The following ZNF804A variants were observed in gnomAD, a reference collection of about 807,000 sequenced individuals.
The protein encoded by ZNF804A is zinc finger protein 804A.
In ZNF804A, 2 loss-of-function variants were observed where a neutral mutation model predicts 16.5. The ratio of observed to expected loss-of-function variants is 0.12; its 90% CI spans 0.05 to 0.38. ZNF804A has a LOEUF of 0.38. Among genes scored for constraint, ZNF804A ranks in the 10% least tolerant of loss-of-function variants. The probability of loss-of-function intolerance (pLI) is 0.99; values close to 1 mark genes in which losing one functional copy is unlikely to be tolerated. For synonymous variants in ZNF804A, 534 were observed against 489.6 expected, an observed-to-expected ratio of 1.09 and a Z score of -1.20; for missense variants, 1,473 against 1,390.7, an observed-to-expected ratio of 1.06 and a Z score of -0.94.
chr2:184,680,356 C>A (rs774123529), intron 1 of ZNF804A, among the ~76,000 whole-genome samples: 2 of 151,834 alleles, frequency 1.3e-5, no homozygotes, highest in Non-Finnish European at 1.5e-5. Flanking sequence ...GAACAGATGT[C>A]GGGAGGTCTT....
chr2:184,668,439 C>G (rs1332590253), intron 1 of ZNF804A, among the ~76,000 whole-genome samples: 1 of 150,934 alleles, frequency 6.6e-6, no homozygotes. Flanking sequence ...TTAAACAGAA[C>G]AGTATCATCA....
chr2:184,888,771 G>A (rs1684936906), intron 2 of ZNF804A, among the ~76,000 whole-genome samples: 1 of 151,992 alleles, frequency 6.6e-6, no homozygotes, highest in African/African-American at 2.4e-5. Context: ...AAGAAAAAAT[G>A]GTAGAAAAGT....
chr2:184,900,279 T>C (rs939716673), intron 2 of ZNF804A, among the ~76,000 whole-genome samples: 5 of 152,156 alleles, frequency 3.3e-5, no homozygotes, highest in Non-Finnish European at 5.9e-5. Context: ...TGTTTCACAT[T>C]ATGGGATATA....
chr2:184,936,112 A>T lies in ZNF804A; in HGVS notation c.716A>T (p.Asp239Val). The T allele has an allele frequency of 4.3e-6, 7 of 1,614,084 alleles. No individual in the cohort carries two copies. The highest frequency in any genetic ancestry group is 5.9e-6 in the Non-Finnish European group (7 of 1,179,964). Residue 239 changes from aspartate (D) to valine (V), a missense_variant, in exon 4 of 4, where the codon GAT (aspartate) becomes GTT (valine). By Grantham distance (152) the Asp-to-Val change is radical. Coordinates refer to ENST00000302277, the MANE Select transcript of ZNF804A (RefSeq NM_194250.2). ...GCAGCCTTCTCTGAATACAGTGATG[A>T]TGCCTCAGTGGGAAAAGGATTTAGC... The part of the protein sequence containing the change: ...SAAAFSEYSD[D>V]ASVGKGFSRK...
chr2:184,602,489 A>C (rs1691065426), intron 1 of ZNF804A, among the ~76,000 whole-genome samples: 1 of 151,978 alleles, frequency 6.6e-6, no homozygotes, highest in African/African-American at 2.4e-5. Context: ...ATCATTGTGT[A>C]AGCAATTGCT....
chr2:184,612,682 A>G (rs1292427717), intron 1 of ZNF804A, among the ~76,000 whole-genome samples: 1 of 152,078 alleles, frequency 6.6e-6, no homozygotes, highest in African/African-American at 2.4e-5. Context: ...TGATCTGCCC[A>G]CCTCGGCCTC....
chr2:184,632,438 T>A (rs1307428690), intron 1 of ZNF804A, among the ~76,000 whole-genome samples: 1 of 152,200 alleles, frequency 6.6e-6, no homozygotes, highest in Non-Finnish European at 1.5e-5. Context: ...GGAGTCTCAC[T>A]CTGTCGCCCA....
At chr2:184,825,760 A>G (rs1006446305) in intron 1 of ZNF804A, among the ~76,000 whole-genome samples, 1 of 152,190 alleles carries the variant, frequency 6.6e-6, no homozygotes, top group Non-Finnish European at 1.5e-5. Flanking sequence ...ACAGATTTGC[A>G]TCTTCAAAAT....
At chr2:184,901,990 T>A (rs1685189783) in intron 2 of ZNF804A, 1 of 152,118 alleles carries the variant, frequency 6.6e-6, no homozygotes, top group African/African-American at 2.4e-5. Flanking sequence ...GCTACCTTTT[T>A]CTTCAAATTA....
chr2:184,839,265 T>C (rs1401949505), intron 1 of ZNF804A, among the ~76,000 whole-genome samples: 1 of 152,052 alleles, frequency 6.6e-6, no homozygotes, highest in African/African-American at 2.4e-5. Flanking sequence ...TACATGCCAA[T>C]AAATAAATGT....
At chr2:184,697,404 T>C (rs987373309) in intron 1 of ZNF804A, among the ~76,000 whole-genome samples, 1 of 151,974 alleles carries the variant, frequency 6.6e-6, no homozygotes, top group Admixed American at 6.6e-5. Context: ...AATAGGTGAG[T>C]TTGATATCCC....
intron 2 of ZNF804A, among the ~76,000 whole-genome samples, chr2:184,884,707 A>G (rs1684859170): frequency 6.6e-6 from 1 of 152,116 alleles, no homozygotes; most frequent in Non-Finnish European, 1.5e-5. Flanking sequence ...AGATGTATTA[A>G]AGACTTAAAT....
intron 1 of ZNF804A, among the ~76,000 whole-genome samples, chr2:184,654,862 T>C (rs774886327): frequency 6.6e-6 from 1 of 152,182 alleles, no homozygotes; most frequent in Non-Finnish European, 1.5e-5. Flanking sequence ...GATAATTCCA[T>C]TGGCTATAAG....
At chr2:184,765,589 C>A in intron 1 of ZNF804A, among the ~76,000 whole-genome samples, 1 of 144,644 alleles carries the variant, frequency 6.9e-6, no homozygotes, top group African/African-American at 2.7e-5. Flanking sequence ...CAATCAATCA[C>A]TACCCCCTCA....
chr2:184,773,189 C>T (rs1454818629), intron 1 of ZNF804A, among the ~76,000 whole-genome samples: 3 of 151,086 alleles, frequency 2.0e-5, no homozygotes, highest in Non-Finnish European at 4.4e-5. Context: ...TTAAAAAAAA[C>T]AGAGAAATAG....
chr2:184,709,570 G>A (rs985144856), intron 1 of ZNF804A, among the ~76,000 whole-genome samples: 1 of 151,612 alleles, frequency 6.6e-6, no homozygotes, highest in African/African-American at 2.4e-5. Context: ...GGTACAGTTT[G>A]CACATGAGTG....
intron 1 of ZNF804A, among the ~76,000 whole-genome samples, chr2:184,735,123 C>T (rs375418367): frequency 1.3e-5 from 2 of 152,032 alleles, no homozygotes; most frequent in Admixed American, 6.6e-5. Flanking sequence ...TAATGTTTGT[C>T]TCTTAATTGT....
rs371630254 is a variant in ZNF804A at position 184,801,988 on chromosome 2, CAAA to C, written c.112-64380_112-64378del. 3.5e-3 allele frequency among the ~76,000 whole-genome samples: 531 copies of C among 152,244 alleles called. 2 individuals carry two copies. Among genetic ancestry groups the C allele is most frequent in the Middle Eastern group, 0.017 (5 of 294 alleles). On this transcript the variant is annotated intron_variant, in intron 1 of 3. Coordinates refer to ENST00000302277, the MANE Select transcript of ZNF804A (RefSeq NM_194250.2). Reference sequence around the variant, plus strand: ...CTGTAGCTGTAGGTGTCAGAGGCTTCAAATGTCTAGCACCCTGTTGTCCGGGGG... The same window carrying C: ...CTGTAGCTGTAGGTGTCAGAGGCTTCTGTCTAGCACCCTGTTGTCCGGGGG...
rs186038060 is a variant in ZNF804A, at chr2:184,719,278, T to A, written c.111+120208T>A. ...GCAGAGGGACCCTGGGCCCCACCCA[T>A]GAAACCATTTTTTTTTTCTCTTACA... On this transcript the variant is annotated intron_variant, in intron 1 of 3. Transcript: ENST00000302277. Among the ~76,000 whole-genome samples the A allele has an allele frequency of 5.5e-3, 831 of 151,938 alleles. 7 individuals carry two copies. The highest frequency in any genetic ancestry group is 0.019 in the African/African-American group (793 of 41,466).
Sources: gnomAD v4.1 joint callset for allele counts (sites outside exome capture counted in the v4.1 genomes callset) on GRCh38, gnomAD v4.1.1 for gene constraint, MANE v1.5 for transcripts, NCBI Gene and HGNC (gene_info 2026-07-23, HGNC 2026-07-21) for gene names.